ZMYND11: variants seen among roughly 807,000 people sequenced by gnomAD.
The protein encoded by ZMYND11 is zinc finger MYND-type containing 11, also known as zinc finger MYND domain-containing protein 11.
In ZMYND11, 9 loss-of-function variants were observed where a neutral mutation model predicts 84.9. That is an observed-to-expected ratio of 0.11 (90% CI 0.06 to 0.18). ZMYND11 has a LOEUF of 0.18. ZMYND11 is among the 10% of genes least tolerant of loss of function. The pLI is 1.00. For synonymous variants in ZMYND11, 250 were observed against 244.1 expected, an observed-to-expected ratio of 1.02 and a Z score of -0.23; for missense variants, 409 against 761.0, an observed-to-expected ratio of 0.54 and a Z score of 5.44.
At chr10:240,232 G>A (rs998873228) in intron 8 of ZMYND11, 121 bp downstream of exon 8, 9 of 884,694 alleles carry the variant, frequency 1.0e-5, no homozygotes, top group South Asian at 4.2e-5. Flanking sequence ...ATTGCCGGGC[G>A]TGGGGGCTCA....
chr10:215,538 C>T (rs1236350120), intron 3 of ZMYND11, among the ~76,000 whole-genome samples: 1 of 151,596 alleles, frequency 6.6e-6, no homozygotes, highest in Non-Finnish European at 1.5e-5. Context: ...TTTAAATAGG[C>T]CTAGGGGGCA....
chr10:225,100 C>T (rs1051030125), intron 4 of ZMYND11, among the ~76,000 whole-genome samples: 2 of 152,048 alleles, frequency 1.3e-5, no homozygotes, highest in Non-Finnish European at 2.9e-5. Flanking sequence ...ACAATATAGT[C>T]CATTGCATTT....
rs570168481 is a variant in ZMYND11, at chr10:149,989, C to T, written c.-20+14430C>T. Among the ~76,000 whole-genome samples the T allele has an allele frequency of 2.3e-3, 351 of 152,182 alleles. 1 individual carries two copies. Among genetic ancestry groups the T allele is most frequent in the African/African-American group, 7.5e-3 (311 of 41,512 alleles). ...ACTTGATCATGGTGGATAAGCTTTT[C>T]GATGTGCTGCTGGATTCGGTTTGCC... On this transcript the variant is annotated intron_variant, in intron 1 of 14. Transcript: ENST00000381604.
At chr10:242,779 A>G (rs1009829232) in intron 10 of ZMYND11, among the ~76,000 whole-genome samples, 2 of 152,112 alleles carry the variant, frequency 1.3e-5, no homozygotes, top group African/African-American at 4.8e-5. Flanking sequence ...ACAATGAGGG[A>G]CCTTACTCCT....
chr10:248,220 C>CA, intron 12 of ZMYND11, 116 bp from the exon 13 acceptor site: 1 of 1,312,546 alleles, frequency 7.6e-7, no homozygotes, highest in Non-Finnish European at 1.0e-6. Flanking sequence ...TTTTCAACAG[C>CA]AGTTTATTCT....
intron 1 of ZMYND11, among the ~76,000 whole-genome samples, chr10:175,714 G>C (rs1356790034): frequency 6.6e-6 from 1 of 152,130 alleles, no homozygotes; most frequent in African/African-American, 2.4e-5. Flanking sequence ...TGTTTATTAA[G>C]AGGCAAAGAG....
chr10:184,914 A>G (rs1177695064), intron 2 of ZMYND11, among the ~76,000 whole-genome samples: 1 of 151,846 alleles, frequency 6.6e-6, no homozygotes, highest in African/African-American at 2.4e-5. Flanking sequence ...TTTTTGTGGA[A>G]TCACCTTTTC....
At position 180,653 on chromosome 10, in the gene ZMYND11, C is replaced by T. The variant is rs748844085; in HGVS notation, c.116+525C>T. ...TGACCTCGTGATTCGCCCGCCTTGG[C>T]GTCCCAAAGTGCTGGGATTTACAGG... On this transcript the variant is annotated intron_variant, in intron 2 of 14. Transcript: ENST00000381604. Among the ~76,000 whole-genome samples, 6 of 152,324 alleles carry T rather than the reference C, an allele frequency of 3.9e-5. No individual in the cohort carries two copies. In the East Asian group the frequency reaches 9.7e-4, roughly 25 times the overall value.
At chr10:233,066 G>A (rs548425807) in intron 4 of ZMYND11, among the ~76,000 whole-genome samples, 2 of 152,326 alleles carry the variant, frequency 1.3e-5, no homozygotes, top group African/African-American at 4.8e-5. Context: ...ACATGACGAG[G>A]TCTCTTAGGA....
At chr10:221,103 T>C in intron 3 of ZMYND11, 92 bp from the exon 4 acceptor site, 1 of 1,145,882 alleles carries the variant, frequency 8.7e-7, no homozygotes, top group Non-Finnish European at 1.3e-6. Flanking sequence ...TTATGATGCC[T>C]AACTTCTGAT....
rs578210890 is a variant in ZMYND11, at chr10:205,868, A to T, written c.117-4021A>T. Among the ~76,000 whole-genome samples the T allele has an allele frequency of 1.1e-3, 163 of 152,022 alleles. No homozygotes were observed. The Middle Eastern group carries it at 0.024, about 22-fold the overall frequency. ...TATTAATATCTGGTTTAATTTCACC[A>T]TGATTAACAATGGCGTGTATAACTT... On this transcript the variant is annotated intron_variant, in intron 2 of 14. Coordinates refer to ENST00000381604, the MANE Select transcript of ZMYND11 (RefSeq NM_001370100.5).
intron 1 of ZMYND11, among the ~76,000 whole-genome samples, chr10:140,829 G>A (rs1177338724): frequency 6.6e-6 from 1 of 152,228 alleles, no homozygotes; most frequent in African/African-American, 2.4e-5. Flanking sequence ...CATTGAGTAT[G>A]TGGCACATTT....
chr10:221,346 C>T lies in ZMYND11; in HGVS notation c.428C>T (p.Pro143Leu). ...GACAGCAGTAGTCCCTGGCAGTGCC[C>T]AGTTTGCAGGGTGAGTACCTATGAG... Reference protein sequence around the residue: ...LRDSSSPWQCPVCRSIKKKNT... With the variant: ...LRDSSSPWQCLVCRSIKKKNT... Residue 143 changes from proline to leucine, a missense_variant, in exon 4 of 15, where the codon CCA becomes CTA. This residue lies in a region of ZMYND11 where 73 missense variants were observed against 185.8 expected (regional missense o/e 0.39). Transcript: ENST00000381604. The T allele has an allele frequency of 6.2e-7, 1 of 1,613,388 alleles. No homozygotes were observed. The highest frequency in any genetic ancestry group is 8.5e-7 in the Non-Finnish European group (1 of 1,179,598).
At position 252,332 on chromosome 10, in the gene ZMYND11, G is replaced by A. The variant is rs370566112; in HGVS notation, c.1687-16G>A. On this transcript the variant is annotated splice_polypyrimidine_tract_variant and intron_variant, in intron 14 of 14. Coordinates refer to ENST00000381604, the MANE Select transcript of ZMYND11 (RefSeq NM_001370100.5). The surrounding 1 kb of genome is among the most constrained non-coding windows in gnomAD (Gnocchi z 4.6). ...CACACCCAAGTCTAAAGACTGCCCC[G>A]ATTTCTTACCTGCAGTGCTACAACT... 1.3e-5 allele frequency: 21 copies of A among 1,612,888 alleles called. No individual in the cohort carries two copies. Among genetic ancestry groups the A allele is most frequent in the East Asian group, 4.5e-5 (2 of 44,816 alleles).
At chr10:187,198 C>T (rs1318189889) in intron 2 of ZMYND11, among the ~76,000 whole-genome samples, 1 of 151,864 alleles carries the variant, frequency 6.6e-6, no homozygotes, top group Non-Finnish European at 1.5e-5. Context: ...TGCACTCCAG[C>T]CTGGGAGACA....
At chr10:251,067 G>T (rs1199803831) in intron 14 of ZMYND11, among the ~76,000 whole-genome samples, 1 of 152,202 alleles carries the variant, frequency 6.6e-6, no homozygotes, top group Non-Finnish European at 1.5e-5. Context: ...TTACATTGTT[G>T]TAAGAAATAG....
At chr10:199,936 C>G (rs1441160629) in intron 2 of ZMYND11, among the ~76,000 whole-genome samples, 1 of 151,738 alleles carries the variant, frequency 6.6e-6, no homozygotes, top group African/African-American at 2.4e-5. Flanking sequence ...GTGATCACGA[C>G]TCACTGCAGC....
chr10:193,528 C>T (rs1462588307), intron 2 of ZMYND11, among the ~76,000 whole-genome samples: 1 of 152,140 alleles, frequency 6.6e-6, no homozygotes, highest in African/African-American at 2.4e-5. Context: ...TGAATGTAGG[C>T]TTTTTTTCCT....
At position 236,580 on chromosome 10, in the gene ZMYND11, CAAGAA is replaced by C. The variant is rs138127440; in HGVS notation, c.439-250_439-246del. ...ATCTAAAAATTAAGTTTTAAAATAC[CAAGAA>C]AAGAAAAAATATATAATCCTGTAAG... On this transcript the variant is annotated intron_variant, in intron 4 of 14. Coordinates refer to ENST00000381604, the MANE Select transcript of ZMYND11 (RefSeq NM_001370100.5). Among the ~76,000 whole-genome samples, 879 of 151,766 alleles carry C rather than the reference CAAGAA, an allele frequency of 5.8e-3. 9 individuals are homozygous for C. Among genetic ancestry groups the C allele is most frequent in the African/African-American group, 0.021 (850 of 41,366 alleles).
Sources: allele counts gnomAD v4.1 joint callset (sites outside exome capture counted in the v4.1 genomes callset), GRCh38; gene constraint gnomAD v4.1.1; regional missense constraint gnomAD v4.1.1; non-coding constraint Gnocchi (gnomAD v3.1); transcripts MANE v1.5; gene names NCBI Gene and HGNC (gene_info 2026-07-23, HGNC 2026-07-21).